Variants in FRAS1 observed in about 807,000 individuals in gnomAD.
FRAS1 encodes the protein Fraser extracellular matrix complex subunit 1.
FRAS1 carries 290 observed loss-of-function variants against 435.2 expected under a neutral mutation model. The observed-to-expected ratio is 0.67, with a 90% confidence interval of 0.61 to 0.73. The LOEUF (loss-of-function observed/expected upper bound fraction) is 0.73. Ranked by LOEUF, FRAS1 falls within the 30% of genes least tolerant of loss-of-function variation. FRAS1 has a pLI of 0.00. For synonymous variants in FRAS1, 1,800 were observed against 1,851.0 expected (o/e 0.97, Z 0.71); for missense variants, 4,860 against 5,001.5 (o/e 0.97, Z 0.85).
intron 29 of FRAS1, among the ~76,000 whole-genome samples, chr4:78,396,759 C>T (rs551119154): frequency 6.6e-6 from 1 of 152,220 alleles, no homozygotes; most frequent in South Asian, 2.1e-4. Context: ...AATGATCTGT[C>T]TTTTGAGTTC....
intron 14 of FRAS1, among the ~76,000 whole-genome samples, chr4:78,292,798 C>T (rs1353714236): frequency 6.6e-6 from 1 of 152,196 alleles, no homozygotes; most frequent in Non-Finnish European, 1.5e-5. Context: ...GGGTTAGTCT[C>T]AGTTTCATTG....
chr4:78,093,990 C>A (rs1257246754), intron 2 of FRAS1, among the ~76,000 whole-genome samples: 2 of 151,980 alleles, frequency 1.3e-5, no homozygotes, highest in African/African-American at 2.4e-5. Context: ...CCACTTCCAC[C>A]AAGTCTTGAT....
At chr4:78,200,946 A>G (rs991990033) in intron 2 of FRAS1, among the ~76,000 whole-genome samples, 6 of 141,462 alleles carry the variant, frequency 4.2e-5, no homozygotes, top group Non-Finnish European at 8.9e-5. Context: ...ATCTTCAAAT[A>G]TGGAAGGCCA....
chr4:78,122,053 G>A (rs994184999), intron 2 of FRAS1, among the ~76,000 whole-genome samples: 15 of 152,192 alleles, frequency 9.9e-5, no homozygotes, highest in Admixed American at 7.2e-4. Context: ...AGGTATACAC[G>A]TGCCATGGTG....
chr4:78,106,237 G>A (rs1441625526), intron 2 of FRAS1, among the ~76,000 whole-genome samples: 1 of 88,962 alleles, frequency 1.1e-5, no homozygotes, highest in African/African-American at 4.2e-5. Context: ...GAACTGGGTG[G>A]AGCCCACCAC....
chr4:78,159,898 A>G lies in FRAS1; in HGVS notation c.109-77612A>G, dbSNP rs1046708427. Among the ~76,000 whole-genome samples, 182 of 152,138 alleles carry G rather than the reference A, an allele frequency of 1.2e-3. 2 individuals carry two copies. The highest frequency in any genetic ancestry group is 9.6e-4 in the East Asian group (5 of 5,182). On this transcript the variant is annotated intron_variant, in intron 2 of 73. Transcript: ENST00000512123. ...TCCATCTCAAAAAAACAAAACAAAA[A>G]CAAACCAAAGCCTAGAACTAATTTC...
At chr4:78,538,635 G>A (rs1030283547) in intron 72 of FRAS1, among the ~76,000 whole-genome samples, 5 of 152,086 alleles carry the variant, frequency 3.3e-5, no homozygotes, top group Admixed American at 2.0e-4. Flanking sequence ...AAGAAGTGCC[G>A]AGCAGAGGGG....
chr4:78,313,909 G>A (rs1202942916), intron 15 of FRAS1, among the ~76,000 whole-genome samples: 1 of 152,098 alleles, frequency 6.6e-6, no homozygotes, highest in African/African-American at 2.4e-5. Context: ...TGAAATGTGT[G>A]GCACAGGACA....
At chr4:78,065,076 A>G (rs909494701) in intron 1 of FRAS1, among the ~76,000 whole-genome samples, 8 of 134,836 alleles carry the variant, frequency 5.9e-5, no homozygotes, top group African/African-American at 2.3e-4. Context: ...ATATATATAT[A>G]TATATATACA....
At chr4:78,219,729 C>T (rs904860662) in intron 2 of FRAS1, among the ~76,000 whole-genome samples, 1 of 152,176 alleles carries the variant, frequency 6.6e-6, no homozygotes, top group African/African-American at 2.4e-5. Context: ...CTTGCTGCTA[C>T]AAATTTGGAA....
chr4:78,473,719 A>G (rs1443340845), intron 53 of FRAS1, 122 bp downstream of exon 53: 10 of 633,272 alleles, frequency 1.6e-5, no homozygotes, highest in Non-Finnish European at 2.6e-5. Context: ...TGATGATGGC[A>G]GTGATAAAAG....
chr4:78,060,699 G>A (rs1181968463), intron 1 of FRAS1, among the ~76,000 whole-genome samples: 4 of 152,082 alleles, frequency 2.6e-5, no homozygotes, highest in Non-Finnish European at 5.9e-5. Flanking sequence ...ACCTCTTTGC[G>A]CTATAGTTCT....
chr4:78,113,492 G>C (rs941364377), intron 2 of FRAS1, among the ~76,000 whole-genome samples: 17 of 152,140 alleles, frequency 1.1e-4, no homozygotes, highest in African/African-American at 3.6e-4. Flanking sequence ...AGCACCTGTT[G>C]TTTCCTGACT....
chr4:78,090,656 C>T (rs1741470420), intron 2 of FRAS1, among the ~76,000 whole-genome samples: 1 of 152,120 alleles, frequency 6.6e-6, no homozygotes, highest in Non-Finnish European at 1.5e-5. Flanking sequence ...CCACGCTATT[C>T]CTAAAGCGCA....
At chr4:78,422,036 G>A (rs1733810743) in intron 34 of FRAS1, 36 bp downstream of exon 34, 2 of 1,570,498 alleles carry the variant, frequency 1.3e-6, no homozygotes, top group Non-Finnish European at 1.7e-6. Context: ...GCACCCAACT[G>A]CTCTCTGTGG....
chr4:78,515,097 T>G (rs1404977622), intron 65 of FRAS1, among the ~76,000 whole-genome samples: 2 of 149,068 alleles, frequency 1.3e-5, no homozygotes, highest in Admixed American at 1.3e-4. Context: ...ACCCTCATAT[T>G]CTAAAATTGT....
intron 49 of FRAS1, among the ~76,000 whole-genome samples, 173 bp downstream of exon 49, chr4:78,464,756 A>AATG (rs1719476730): frequency 6.6e-6 from 1 of 152,212 alleles, no homozygotes. Context: ...AAGAAAAACA[A>AATG]ATGTATTTGA....
chr4:78,543,178 A>T lies in FRAS1; in HGVS notation c.*2054A>T, dbSNP rs1337029030. Reference sequence around the variant, plus strand: ...AGGGCAGAACTCCTGTATCAGCCTCATGGACACCCAGAATTGGTATCTCAT... The same window carrying T: ...AGGGCAGAACTCCTGTATCAGCCTCTTGGACACCCAGAATTGGTATCTCAT... On this transcript the variant is annotated 3_prime_UTR_variant, in exon 74 of 74. Transcript: ENST00000512123. The T allele has an allele frequency of 6.6e-6, 1 of 152,232 alleles. No homozygotes were observed. The highest frequency in any genetic ancestry group is 1.9e-4 in the East Asian group (1 of 5,198). The allele number at this position is 152,232 out of a possible 1,614,324, so 9.4% of individuals were successfully genotyped here. A position where few individuals can be genotyped will look rare whatever the true frequency, so the allele number is the denominator to read the frequency against.
intron 18 of FRAS1, 110 bp downstream of exon 18, chr4:78,319,096 C>A: frequency 1.8e-6 from 2 of 1,116,136 alleles, no homozygotes; most frequent in Non-Finnish European, 2.6e-6. Context: ...AGAATGGTTC[C>A]TAGATGCTTG....
Sources: allele counts gnomAD v4.1 joint callset (sites outside exome capture counted in the v4.1 genomes callset), GRCh38; gene constraint gnomAD v4.1.1; transcripts MANE v1.5; gene names NCBI Gene and HGNC (gene_info 2026-07-23, HGNC 2026-07-21).